DCUN1D2: variants seen among roughly 807,000 people sequenced by gnomAD.
DCUN1D2 encodes the protein DCN1-like protein 2.
Under a neutral mutation model 30.9 loss-of-function variants are expected in DCUN1D2, and 29 were observed. The observed-to-expected ratio is 0.94, with a 90% CI of 0.70 to 1.28. The LOEUF is 1.28. DCUN1D2 is among the 50% of genes most tolerant of loss of function. The pLI, the probability that DCUN1D2 is intolerant of heterozygous loss-of-function variation, is 0.00. For missense variants in DCUN1D2, 325 were observed against 316.9 expected (o/e 1.03, Z -0.19); for synonymous variants, 121 against 115.3 (o/e 1.05, Z -0.32).
chr13:113,461,403 G>A (rs1422724232), intron 4 of DCUN1D2, among the ~76,000 whole-genome samples: 2 of 152,192 alleles, frequency 1.3e-5, no homozygotes, highest in Non-Finnish European at 2.9e-5. Flanking sequence ...CAGTTTTGGA[G>A]ACTTGCCTTT....
intron 2 of DCUN1D2, among the ~76,000 whole-genome samples, chr13:113,481,726 A>C (rs553568258): frequency 6.6e-6 from 1 of 152,082 alleles, no homozygotes; most frequent in Admixed American, 6.5e-5. Context: ...TCTACTAAAA[A>C]TACAAAAATT....
chr13:113,483,477 G>A (rs536934420), intron 2 of DCUN1D2, among the ~76,000 whole-genome samples: 1 of 152,154 alleles, frequency 6.6e-6, no homozygotes, highest in Non-Finnish European at 1.5e-5. Context: ...AAATAGAAGT[G>A]CTTGAAAAAA....
At chr13:113,483,775 AGTG>A in intron 2 of DCUN1D2, 62 bp downstream of exon 2, 2 of 1,504,616 alleles carry the variant, frequency 1.3e-6, no homozygotes, top group Non-Finnish European at 1.8e-6. Context: ...GAACCCTGGA[AGTG>A]CAGCGCGCAG....
intron 4 of DCUN1D2, among the ~76,000 whole-genome samples, chr13:113,469,852 A>T (rs1419889243): frequency 1.3e-5 from 2 of 152,042 alleles, no homozygotes; most frequent in African/African-American, 4.8e-5. Context: ...ATAAATCAAA[A>T]ACTTTTTTTT....
chr13:113,458,702 G>C (rs1261551488), intron 6 of DCUN1D2, among the ~76,000 whole-genome samples: 2 of 152,214 alleles, frequency 1.3e-5, no homozygotes, highest in Non-Finnish European at 2.9e-5. Context: ...AGCTAAAACA[G>C]GCAGACAGAC....
chr13:113,460,836 C>G (rs893113201), intron 5 of DCUN1D2, among the ~76,000 whole-genome samples: 3 of 152,244 alleles, frequency 2.0e-5, no homozygotes, highest in Non-Finnish European at 4.4e-5. Flanking sequence ...AAGCCACGTT[C>G]TGAGGAGGCC....
Position 113,458,153 on chromosome 13 carries a change from T to C in DCUN1D2, c.701-45A>G, listed in dbSNP as rs1178565971. 3.3e-6 allele frequency: 5 copies of C among 1,520,454 alleles called. No individual in the cohort carries two copies. In the Admixed American group the frequency reaches 8.4e-5, roughly 25 times the overall value. The allele number at this position is 1,520,454 out of a possible 1,614,324, so 94.2% of individuals were successfully genotyped here. A position where few individuals can be genotyped will look rare whatever the true frequency, so the allele number is the denominator to read the frequency against. On this transcript the variant is annotated intron_variant, in intron 6 of 6. Transcript: ENST00000478244. ...CAGAAAACCCGTTAGAGCACCGTTT[T>C]TATCTCCAAAGCACTGAGTCACACA... is the stretch of plus-strand genomic sequence containing the variant.
At chr13:113,468,480 A>T (rs1040011706) in intron 4 of DCUN1D2, among the ~76,000 whole-genome samples, 1 of 152,202 alleles carries the variant, frequency 6.6e-6, no homozygotes, top group African/African-American at 2.4e-5. Context: ...AACACTGTGA[A>T]TCTACTTAGT....
rs1367138000 is a variant in DCUN1D2, at chr13:113,456,532, C to T, written c.*1497G>A. ...CTGGGCAGCAGCTCCAGCTGGTCCACGTCCTGCACAGTGCTGCAGGGGGGC... is the reference window on the plus strand; with the variant it reads ...CTGGGCAGCAGCTCCAGCTGGTCCATGTCCTGCACAGTGCTGCAGGGGGGC... On this transcript the variant is annotated 3_prime_UTR_variant, in exon 7 of 7. Transcript: ENST00000478244. 1.0e-5 allele frequency: 4 copies of T among 397,182 alleles called. No individual in the cohort carries two copies. The highest frequency in any genetic ancestry group is 8.9e-6 in the Non-Finnish European group (2 of 225,462). The allele number at this position is 397,182 out of a possible 1,614,324, so 24.6% of individuals were successfully genotyped here.
At chr13:113,472,292 T>C (rs1259260229) in intron 4 of DCUN1D2, among the ~76,000 whole-genome samples, 2 of 150,576 alleles carry the variant, frequency 1.3e-5, no homozygotes, top group East Asian at 2.0e-4. Flanking sequence ...TGAACAAAAA[T>C]AAAAAAAATA....
chr13:113,456,197 A>ACT lies in DCUN1D2; in HGVS notation c.*1831_*1832insAG, dbSNP rs147216127. On this transcript the variant is annotated 3_prime_UTR_variant, in exon 7 of 7. Transcript: ENST00000478244. The stretch of plus-strand genomic sequence containing the variant: ...AGGTAGACAGGCCCAGTTTCCCATT[A>ACT]GAGTTCTGGAAGCAGAGCCTGGGGA... 1.5e-3 allele frequency: 613 copies of ACT among 398,684 alleles called. 3 individuals are homozygous for ACT. The highest frequency in any genetic ancestry group is 0.011 in the African/African-American group (554 of 48,770). 24.7% of individuals were successfully genotyped at this position (398,684 alleles called of 1,614,324 possible). A position where few individuals can be genotyped will look rare whatever the true frequency, so the allele number is the denominator to read the frequency against.
chr13:113,483,811 C>CTTTGCT (rs2044752126), intron 2 of DCUN1D2, 29 bp downstream of exon 2: 1 of 1,600,992 alleles, frequency 6.2e-7, no homozygotes, highest in African/African-American at 1.3e-5. Flanking sequence ...GGCCGACATC[C>CTTTGCT]GTCCGGCTTT....
chr13:113,477,726 A>C (rs960358417), intron 3 of DCUN1D2, among the ~76,000 whole-genome samples: 3 of 150,890 alleles, frequency 2.0e-5, no homozygotes, highest in East Asian at 1.9e-4. Flanking sequence ...TTTTAAATGA[A>C]GAAACATTGA....
intron 3 of DCUN1D2, chr13:113,475,789 G>A (rs1276540290): frequency 6.6e-6 from 1 of 152,336 alleles, no homozygotes; most frequent in East Asian, 1.9e-4. Flanking sequence ...CTGTACCCCA[G>A]TTGGCACAAC....
At chr13:113,467,809 C>T (rs913577578) in intron 4 of DCUN1D2, among the ~76,000 whole-genome samples, 3 of 151,670 alleles carry the variant, frequency 2.0e-5, no homozygotes, top group South Asian at 2.1e-4. Context: ...TTTGGGAGGC[C>T]GAGGTGGGTG....
intron 5 of DCUN1D2, among the ~76,000 whole-genome samples, chr13:113,459,866 T>C (rs761210177): frequency 2.0e-5 from 3 of 152,214 alleles, no homozygotes; most frequent in Non-Finnish European, 4.4e-5. Context: ...GTGCGTTCCT[T>C]TGCGTGGCTC....
At chr13:113,466,298 TAGAA>T (rs1180944958) in intron 4 of DCUN1D2, among the ~76,000 whole-genome samples, 1 of 152,180 alleles carries the variant, frequency 6.6e-6, no homozygotes, top group Non-Finnish European at 1.5e-5. Flanking sequence ...CTTAGCCTCT[TAGAA>T]AGAAATAGAG....
At chr13:113,483,809 T>A in intron 2 of DCUN1D2, 31 bp downstream of exon 2, 2 of 1,600,680 alleles carry the variant, frequency 1.2e-6, no homozygotes, top group Non-Finnish European at 1.7e-6. Context: ...GAGGCCGACA[T>A]CCGTCCGGCT....
At chr13:113,480,846 C>G (rs2044696139) in intron 2 of DCUN1D2, 103 bp from the exon 3 acceptor site, 1 of 1,242,308 alleles carries the variant, frequency 8.0e-7, no homozygotes. Flanking sequence ...ATAGTTCTAG[C>G]AAGCGTGTTT....
Sources: allele counts gnomAD v4.1 joint callset (sites outside exome capture counted in the v4.1 genomes callset), GRCh38; gene constraint gnomAD v4.1.1; transcripts MANE v1.5; gene names NCBI Gene and HGNC (gene_info 2026-07-23, HGNC 2026-07-21).